The following ZNF469 variants were observed in gnomAD, a reference collection of about 807,000 sequenced individuals.
The protein encoded by ZNF469 is zinc finger protein 469.
ZNF469 carries 1 observed loss-of-function variant against 1.0 expected under a neutral mutation model. That is an observed-to-expected ratio of 1.00 (90% confidence interval 0.35 to 4.73). ZNF469 has a LOEUF of 4.73. ZNF469 is among the 30% of genes most tolerant of loss of function. ZNF469 has a pLI of 0.16. For missense variants in ZNF469, 6,100 were observed against 5,356.3 expected (o/e 1.14, Z -4.33); for synonymous variants, 2,703 against 2,363.4 (o/e 1.14, Z -4.17).
chr16:88,429,484 C>G lies in ZNF469; in HGVS notation c.2014C>G (p.Pro672Ala). Reference sequence around the variant, plus strand: ...AGAGCCAGCCAAGGCCTTCCCTTTTCCCGCAGATGGGCTGGGAGCCGAGGG... The same window carrying G: ...AGAGCCAGCCAAGGCCTTCCCTTTTGCCGCAGATGGGCTGGGAGCCGAGGG... ...QPEPAKAFPF[P>A]ADGLGAEGAF... The change falls in exon 3 of 3, where the codon CCC becomes GCC. Residue 672 changes from proline (P) to alanine (A), a missense_variant. Physicochemically the swap from Pro to Ala is conservative, Grantham distance 27. Transcript: ENST00000565624. The G allele has an allele frequency of 7.3e-7, 1 of 1,372,710 alleles. No homozygotes were observed. 85.0% of individuals were successfully genotyped at this position (1,372,710 alleles called of 1,614,324 possible).
chr16:88,302,079 G>A, the ZNF469 span, among the ~76,000 whole-genome samples: 22 of 152,236 alleles, frequency 1.4e-4, no homozygotes, highest in African/African-American at 5.3e-4. Context: ...GCAGCCCTGT[G>A]CAGAGCAGAT....
chr16:88,284,755 G>A, the ZNF469 span, among the ~76,000 whole-genome samples: 29 of 152,180 alleles, frequency 1.9e-4, no homozygotes, highest in South Asian at 4.1e-4. Context: ...GGCACACTCC[G>A]CCGTGCCCCT....
chr16:88,401,931 G>GATGC (rs1348398921), intron 1 of ZNF469, among the ~76,000 whole-genome samples: 27 of 53,540 alleles, frequency 5.0e-4, no homozygotes, highest in East Asian at 3.2e-3. Flanking sequence ...TGGATGGATG[G>GATGC]ATAGATACGT....
the ZNF469 span, among the ~76,000 whole-genome samples, chr16:88,372,656 T>C: frequency 2.7e-5 from 4 of 146,932 alleles, no homozygotes; most frequent in African/African-American, 1.0e-4. Context: ...TTACCATCTT[T>C]ACCATCTTCA....
the ZNF469 span, among the ~76,000 whole-genome samples, chr16:88,156,546 G>A: frequency 6.6e-6 from 1 of 152,224 alleles, no homozygotes; most frequent in African/African-American, 2.4e-5. Flanking sequence ...ACCTACATGT[G>A]AGAAGTTGAA....
the ZNF469 span, among the ~76,000 whole-genome samples, chr16:88,289,414 A>G: frequency 6.8e-6 from 1 of 146,852 alleles, no homozygotes; most frequent in Non-Finnish European, 1.5e-5. Context: ...GATGATGATG[A>G]TGATTATTAT....
At chr16:88,283,807 G>C in the ZNF469 span, among the ~76,000 whole-genome samples, 1 of 148,820 alleles carries the variant, frequency 6.7e-6, no homozygotes, top group African/African-American at 2.5e-5. Flanking sequence ...CAGTGTGCCC[G>C]AGGTCTGTGA....
chr16:88,323,617 G>T, the ZNF469 span, among the ~76,000 whole-genome samples: 1 of 152,118 alleles, frequency 6.6e-6, no homozygotes, highest in Non-Finnish European at 1.5e-5. Flanking sequence ...CTTCCTCTTG[G>T]CAAAGCCAGG....
At chr16:88,171,703 G>T in the ZNF469 span, among the ~76,000 whole-genome samples, 1 of 152,288 alleles carries the variant, frequency 6.6e-6, no homozygotes, top group East Asian at 1.9e-4. Context: ...AAGACCCATC[G>T]CTGCGTTACC....
the ZNF469 span, among the ~76,000 whole-genome samples, chr16:88,243,993 A>G: frequency 0.63 from 75,478 of 120,570 alleles, 25,271 homozygotes; most frequent in African/African-American, 0.86. Flanking sequence ...TGAGTCAATG[A>G]GTGAATGGAT....
At chr16:88,323,497 C>T in the ZNF469 span, among the ~76,000 whole-genome samples, 1 of 152,224 alleles carries the variant, frequency 6.6e-6, no homozygotes, top group Non-Finnish European at 1.5e-5. Context: ...AGGACAGGCC[C>T]TGGCGAAATC....
the ZNF469 span, among the ~76,000 whole-genome samples, chr16:88,112,335 T>A: frequency 1.3e-5 from 2 of 152,184 alleles, no homozygotes; most frequent in East Asian, 3.9e-4. Context: ...GTAGCTCAAT[T>A]TGTAGCTTTT....
At chr16:88,280,769 T>C in the ZNF469 span, among the ~76,000 whole-genome samples, 25 of 150,732 alleles carry the variant, frequency 1.7e-4, no homozygotes, top group African/African-American at 6.1e-4. Flanking sequence ...GTCACCCTGA[T>C]GCTTGGTCAG....
At chr16:88,380,197 AG>A (rs1317859550), upstream of ZNF469, among the ~76,000 whole-genome samples, 3 of 151,260 alleles carry the variant, frequency 2.0e-5, 1 homozygote, top group Non-Finnish European at 4.4e-5. Flanking sequence ...ACTCACACAC[AG>A]ACATGCACTC....
At chr16:88,343,166 G>T in the ZNF469 span, among the ~76,000 whole-genome samples, 4 of 149,144 alleles carry the variant, frequency 2.7e-5, no homozygotes, top group African/African-American at 5.1e-5. Context: ...TCATGCTCCT[G>T]GGTCCGTGGT....
chr16:88,259,249 AC>A, the ZNF469 span, among the ~76,000 whole-genome samples: 2 of 68,442 alleles, frequency 2.9e-5, no homozygotes, highest in Non-Finnish European at 6.2e-5. The surrounding 1 kb of genome is among the most constrained non-coding windows in gnomAD (Gnocchi z 4.1). Flanking sequence ...AAGCCGACCC[AC>A]CCCCCGCCCC....
chr16:88,235,498 G>A, the ZNF469 span, among the ~76,000 whole-genome samples: 2 of 152,192 alleles, frequency 1.3e-5, no homozygotes, highest in Admixed American at 6.5e-5. Flanking sequence ...GCCAGACCAG[G>A]CTGCAAACCT....
At chr16:88,161,902 A>T in the ZNF469 span, among the ~76,000 whole-genome samples, 1 of 152,164 alleles carries the variant, frequency 6.6e-6, no homozygotes, top group African/African-American at 2.4e-5. Context: ...CCACATTTTT[A>T]AGTTGGATAT....
rs74032864 is a variant in ZNF469 at position 88,428,613 on chromosome 16, C to A, written c.1143C>A (p.Pro381=). The change falls in exon 3 of 3, where the codon CCC becomes CCA. Residue 381 remains proline (P), a synonymous_variant. Coordinates refer to ENST00000565624, the MANE Select transcript of ZNF469 (RefSeq NM_001367624.2). ...SLHKSLTKIL[P]ERPPSAQDGL... ...ACAAGAGCCTGACCAAAATCCTTCC[C>A]GAAAGACCACCTTCAGCCCAGGATG... 12,790 of 1,550,220 alleles carry A rather than the reference C, an allele frequency of 8.3e-3. 851 individuals carry two copies. In the African/African-American group the frequency reaches 0.15, roughly 18 times the overall value.
Sources: allele counts gnomAD v4.1 joint callset (sites outside exome capture counted in the v4.1 genomes callset), GRCh38; gene constraint gnomAD v4.1.1; non-coding constraint Gnocchi (gnomAD v3.1); transcripts MANE v1.5; gene names NCBI Gene and HGNC (gene_info 2026-07-23, HGNC 2026-07-21).